The following AGBL4 variants were observed in gnomAD, a reference collection of about 807,000 sequenced individuals.
AGBL4 encodes the protein AGBL carboxypeptidase 4, also known as cytosolic carboxypeptidase 6.
A neutral mutation model predicts 66.4 loss-of-function variants in AGBL4; 58 were observed. The observed-to-expected ratio is 0.87, with a 90% CI of 0.71 to 1.09. The LOEUF (loss-of-function observed/expected upper bound fraction) is 1.09, where lower values mean the gene tolerates loss of function less well. Ranked by LOEUF, AGBL4 falls within the 50% of genes least tolerant of loss-of-function variation. The pLI, the probability that AGBL4 is intolerant of heterozygous loss-of-function variation, is 0.00. For synonymous variants in AGBL4, 234 were observed against 222.9 expected, an observed-to-expected ratio of 1.05 and a Z score of -0.44; for missense variants, 579 against 631.0, an observed-to-expected ratio of 0.92 and a Z score of 0.88.
chr1:49,549,427 C>G (rs1652779951), intron 3 of AGBL4, among the ~76,000 whole-genome samples: 1 of 151,914 alleles, frequency 6.6e-6, no homozygotes, highest in Non-Finnish European at 1.5e-5. Flanking sequence ...GGGCTGTGGA[C>G]TTTTCTCTTG....
At chr1:49,783,743 T>C (rs1347143425) in intron 2 of AGBL4, among the ~76,000 whole-genome samples, 1 of 151,984 alleles carries the variant, frequency 6.6e-6, no homozygotes, top group Non-Finnish European at 1.5e-5. Context: ...TGATACTATA[T>C]ATAGAAAATC....
chr1:49,169,578 C>T (rs1646695223), intron 4 of AGBL4, among the ~76,000 whole-genome samples: 1 of 152,150 alleles, frequency 6.6e-6, no homozygotes, highest in Non-Finnish European at 1.5e-5. Flanking sequence ...GCAACCACCA[C>T]CTCTATCGAG....
intron 3 of AGBL4, among the ~76,000 whole-genome samples, chr1:49,639,870 A>C (rs980668666): frequency 6.6e-6 from 1 of 152,220 alleles, no homozygotes; most frequent in Non-Finnish European, 1.5e-5. Context: ...GAATGAAGGC[A>C]TCCAAAAAGG....
chr1:48,824,488 T>C (rs1646383565), intron 6 of AGBL4, among the ~76,000 whole-genome samples: 1 of 151,920 alleles, frequency 6.6e-6, no homozygotes, highest in South Asian at 2.1e-4. Context: ...GAGATAGTGG[T>C]TGGGTAAATG....
chr1:49,479,369 TG>T (rs1275305703), intron 3 of AGBL4, among the ~76,000 whole-genome samples: 2 of 151,962 alleles, frequency 1.3e-5, no homozygotes, highest in Non-Finnish European at 2.9e-5. Context: ...AAACCTGTGT[TG>T]GGGGGTTGGT....
At chr1:48,989,193 C>T (rs1660416262) in intron 5 of AGBL4, among the ~76,000 whole-genome samples, 1 of 152,054 alleles carries the variant, frequency 6.6e-6, no homozygotes, top group Non-Finnish European at 1.5e-5. Flanking sequence ...CGGGTGTGTT[C>T]TTCGAGAGCC....
intron 11 of AGBL4, among the ~76,000 whole-genome samples, chr1:48,557,513 A>G (rs1644338210): frequency 6.6e-6 from 1 of 152,072 alleles, no homozygotes; most frequent in South Asian, 2.1e-4. Flanking sequence ...TGATGAAGAG[A>G]AGGAGGCCCT....
At chr1:49,568,433 G>C (rs1644257916) in intron 3 of AGBL4, among the ~76,000 whole-genome samples, 1 of 150,114 alleles carries the variant, frequency 6.7e-6, no homozygotes, top group African/African-American at 2.4e-5. Context: ...TAGGCAGGGA[G>C]ATGAAAGATC....
intron 4 of AGBL4, among the ~76,000 whole-genome samples, chr1:49,207,453 TC>T (rs1489999237): frequency 2.4e-3 from 35 of 14,784 alleles, no homozygotes; most frequent in East Asian, 3.6e-3. Flanking sequence ...TTTCTTTCTT[TC>T]TTTTTCTTTC....
At chr1:49,822,395 C>G (rs961416628) in intron 2 of AGBL4, among the ~76,000 whole-genome samples, 20 of 151,680 alleles carry the variant, frequency 1.3e-4, no homozygotes, top group African/African-American at 4.6e-4. Flanking sequence ...GTGGCGTGAT[C>G]TAGGCTCACT....
intron 2 of AGBL4, among the ~76,000 whole-genome samples, chr1:49,721,322 T>C (rs138402574): frequency 2.0e-5 from 3 of 152,264 alleles, no homozygotes; most frequent in Non-Finnish European, 4.4e-5. Flanking sequence ...TCACAATAAA[T>C]CTTGCTGCTG....
At chr1:49,850,095 T>C (rs1162125482) in intron 2 of AGBL4, among the ~76,000 whole-genome samples, 1 of 152,210 alleles carries the variant, frequency 6.6e-6, no homozygotes, top group East Asian at 1.9e-4. Flanking sequence ...CTGAATCATG[T>C]CCTCTCAAAA....
intron 2 of AGBL4, among the ~76,000 whole-genome samples, chr1:49,825,907 C>T (rs1440052914): frequency 3.3e-5 from 5 of 151,796 alleles, no homozygotes; most frequent in African/African-American, 9.7e-5. Context: ...AGAACCCTGA[C>T]AAACATACTA....
At chr1:49,710,390 G>C (rs538320307) in intron 2 of AGBL4, among the ~76,000 whole-genome samples, 2 of 152,226 alleles carry the variant, frequency 1.3e-5, no homozygotes, top group South Asian at 2.1e-4. Context: ...GTTTAAAAAT[G>C]AGACCATATG....
intron 6 of AGBL4, among the ~76,000 whole-genome samples, chr1:48,796,572 C>T (rs970564057): frequency 2.6e-5 from 4 of 152,176 alleles, no homozygotes; most frequent in Non-Finnish European, 2.9e-5. Flanking sequence ...TTCTCCCCAG[C>T]TTCTAAATAT....
chr1:49,961,509 A>C (rs1355071359), intron 1 of AGBL4, among the ~76,000 whole-genome samples: 2 of 152,102 alleles, frequency 1.3e-5, no homozygotes, highest in African/African-American at 4.8e-5. Context: ...TGTGTCTAAA[A>C]CATAAAATAA....
rs1645330913 is a variant in AGBL4, at chr1:49,620,167, T to TA, written c.282+77145dup. ...GCTTCTACACAGCAAAAGAAACTAT[T>TA]ACTAGAGTGAACAGGCAACCTGCAG... is the stretch of plus-strand genomic sequence containing the variant. On this transcript the variant is annotated intron_variant, in intron 3 of 13. Coordinates refer to ENST00000371839, the MANE Select transcript of AGBL4 (RefSeq NM_032785.4). Among the ~76,000 whole-genome samples, 6 of 152,114 alleles carry TA rather than the reference T, an allele frequency of 3.9e-5. No homozygotes were observed. In the South Asian group the frequency reaches 1.0e-3, roughly 26 times the overall value.
intron 5 of AGBL4, among the ~76,000 whole-genome samples, chr1:48,919,815 C>A (rs1405877361): frequency 6.6e-6 from 1 of 152,132 alleles, no homozygotes; most frequent in Non-Finnish European, 1.5e-5. Flanking sequence ...TACCTCCAGT[C>A]AAAAACCACT....
chr1:49,162,601 C>A (rs1433794553), intron 4 of AGBL4, among the ~76,000 whole-genome samples: 1 of 152,190 alleles, frequency 6.6e-6, no homozygotes, highest in African/African-American at 2.4e-5. Flanking sequence ...CACAAATCTG[C>A]CATTCCAGTC....
Sources: allele counts gnomAD v4.1 joint callset (sites outside exome capture counted in the v4.1 genomes callset), GRCh38; gene constraint gnomAD v4.1.1; transcripts MANE v1.5; gene names NCBI Gene and HGNC (gene_info 2026-07-23, HGNC 2026-07-21).